The following SRCAP variants were observed in gnomAD, a reference collection of about 807,000 sequenced individuals.
SRCAP encodes chromatin remodeling protein SRCAP.
A neutral mutation model predicts 263.1 loss-of-function variants in SRCAP; 46 were observed. The ratio of observed to expected loss-of-function variants is 0.17; its 90% CI spans 0.14 to 0.22. SRCAP has a LOEUF of 0.22. SRCAP is among the 10% of genes least tolerant of loss of function. The probability of loss-of-function intolerance (pLI) is 1.00; values close to 1 mark genes in which losing one functional copy is unlikely to be tolerated. For synonymous variants in SRCAP, 1,813 were observed against 1,662.1 expected, an observed-to-expected ratio of 1.09 and a Z score of -2.21; for missense variants, 3,695 against 4,181.9, an observed-to-expected ratio of 0.88 and a Z score of 3.21.
intron 3 of SRCAP, among the ~76,000 whole-genome samples, chr16:30,703,592 C>T (rs1038306419): frequency 5.3e-5 from 8 of 151,808 alleles, no homozygotes; most frequent in African/African-American, 1.9e-4. Flanking sequence ...CATCTTGAGT[C>T]CCTTATTAAA....
At chr16:30,725,756 T>C (rs913015952) in intron 25 of SRCAP, 1 of 152,200 alleles carries the variant, frequency 6.6e-6, no homozygotes, top group African/African-American at 2.4e-5. Context: ...TCATATACCA[T>C]TCGATTTACC....
At chr16:30,732,757 T>C (rs1470327720) in intron 27 of SRCAP, among the ~76,000 whole-genome samples, 1 of 152,226 alleles carries the variant, frequency 6.6e-6, no homozygotes, top group Non-Finnish European at 1.5e-5. Flanking sequence ...TCTTTTAGAC[T>C]CCAAGAAGTT....
At chr16:30,728,251 G>A (rs2053081521) in intron 25 of SRCAP, among the ~76,000 whole-genome samples, 1 of 152,218 alleles carries the variant, frequency 6.6e-6, no homozygotes, top group Non-Finnish European at 1.5e-5. Flanking sequence ...AGTGATTATA[G>A]TGAGCAAGGC....
At position 30,740,683 on chromosome 16, in the gene SRCAP, A is replaced by G. The variant is rs1461164449; in HGVS notation, c.*950A>G. 6.6e-6 allele frequency: 1 copy of G among 152,138 alleles called. No individual in the cohort carries two copies. The highest frequency in any genetic ancestry group is 1.5e-5 in the Non-Finnish European group (1 of 68,022). The allele number at this position is 152,138 out of a possible 1,614,324, so 9.4% of individuals were successfully genotyped here. On this transcript the variant is annotated 3_prime_UTR_variant, in exon 34 of 34. Coordinates refer to ENST00000262518, the MANE Select transcript of SRCAP (RefSeq NM_006662.3). ...AAAGCTGAGGCAGGAGCCGAAACTC[A>G]GAGTCCTTCAAGGCCTATAGCCAGG... is the stretch of plus-strand genomic sequence containing the variant.
chr16:30,704,377 T>A, intron 4 of SRCAP, 62 bp downstream of exon 4: 1 of 1,510,732 alleles, frequency 6.6e-7, no homozygotes, highest in Non-Finnish European at 8.9e-7. Flanking sequence ...TCCCACGTCC[T>A]CTTGAGTATT....
Position 30,739,184 on chromosome 16 carries a change from G to A in SRCAP, c.9144G>A (p.Gly3048=), listed in dbSNP as rs766539893. The stretch of plus-strand genomic sequence containing the variant: ...GGCGACGGCAACCCCAGGGCCAAGG[G>A]GAGAGTGAGGGTAGTTCCTCTGATG... ...LGRRRQPQGQ[G]ESEGSSSDED... is the part of the protein sequence containing the mutation. Residue 3048 remains glycine (G), a synonymous_variant, in exon 34 of 34, where the codon GGG becomes GGA. Transcript: ENST00000262518. 12 of 1,613,886 alleles carry A rather than the reference G, an allele frequency of 7.4e-6. No homozygotes were observed. The South Asian group carries it at 9.9e-5, about 13-fold the overall frequency.
In SRCAP at chr16:30,736,370, G is replaced by C; in HGVS notation, c.6900G>C (p.Gln2300His). The change falls in exon 32 of 34, where the codon CAG (glutamine) becomes CAC (histidine). Residue 2300 changes from glutamine to histidine, a missense_variant. By Grantham distance (24) the Gln-to-His change is conservative. This residue lies in a region of SRCAP where 91 missense variants were observed against 150.6 expected (regional missense o/e 0.60). Transcript: ENST00000262518. ...AEDEEMSRAE[Q>H]EIAALVEQLT... ...ATGAGGAGATGTCCCGGGCTGAGCA[G>C]GAAATTGCTGCCCTCGTAGAACAGG... is the stretch of plus-strand genomic sequence containing the variant. The C allele has an allele frequency of 6.2e-7, 1 of 1,613,204 alleles. No individual in the cohort carries two copies. Among genetic ancestry groups the C allele is most frequent in the Non-Finnish European group, 8.5e-7 (1 of 1,179,452 alleles).
chr16:30,704,349 G>C, intron 4 of SRCAP, 34 bp downstream of exon 4: 1 of 1,547,092 alleles, frequency 6.5e-7, no homozygotes, highest in Non-Finnish European at 8.7e-7. Flanking sequence ...AGATTCTTGG[G>C]AGTTATCTTC....
intron 16 of SRCAP, among the ~76,000 whole-genome samples, chr16:30,714,214 A>G (rs1001711832): frequency 6.6e-6 from 1 of 151,314 alleles, no homozygotes; most frequent in Non-Finnish European, 1.5e-5. Flanking sequence ...AAAGGCGCCC[A>G]CCACCACGCC....
At chr16:30,715,885 T>C (rs1051202701) in intron 16 of SRCAP, among the ~76,000 whole-genome samples, 181 bp from the exon 17 acceptor site, 27 of 152,288 alleles carry the variant, frequency 1.8e-4, no homozygotes, top group African/African-American at 6.5e-4. Flanking sequence ...CATGGTATCA[T>C]TTTGTGTCTG....
chr16:30,703,159 A>ATG (rs1016646420), intron 3 of SRCAP, among the ~76,000 whole-genome samples: 3 of 151,160 alleles, frequency 2.0e-5, no homozygotes, highest in African/African-American at 7.3e-5. Context: ...CTATATATAT[A>ATG]TATATATATG....
intron 25 of SRCAP, chr16:30,725,327 C>G (rs1355212958): frequency 4.4e-6 from 3 of 674,574 alleles, no homozygotes; most frequent in Non-Finnish European, 6.8e-6. Context: ...GGCCTCTTTT[C>G]CCGTTTTTTA....
chr16:30,726,774 CA>C (rs546122688), intron 25 of SRCAP, among the ~76,000 whole-genome samples: 2 of 152,320 alleles, frequency 1.3e-5, no homozygotes, highest in South Asian at 2.1e-4. Context: ...CATCCCGGCT[CA>C]CTGCAACCTC....
intron 25 of SRCAP, among the ~76,000 whole-genome samples, chr16:30,726,944 C>T (rs559837914): frequency 1.2e-3 from 183 of 152,180 alleles, no homozygotes; most frequent in Middle Eastern, 6.8e-3. Flanking sequence ...TCAGGTGATC[C>T]GCCTGCCTTG....
At position 30,723,734 on chromosome 16, in the gene SRCAP, C is replaced by T; in HGVS notation, c.4310C>T (p.Ser1437Phe). ...VSSTVSVPLSSSLPISVPTTL... is the reference protein window; with the variant it reads ...VSSTVSVPLSFSLPISVPTTL... ...TCTACAGTCTCAGTTCCATTGTCAT[C>T]TTCACTCCCCATCTCTGTCCCCACC... Residue 1437 changes from serine to phenylalanine, a missense_variant, in exon 25 of 34, where the codon TCT (serine) becomes TTT (phenylalanine). Transcript: ENST00000262518. 1.2e-6 allele frequency: 2 copies of T among 1,614,104 alleles called. No individual in the cohort carries two copies. Among genetic ancestry groups the T allele is most frequent in the Non-Finnish European group, 1.7e-6 (2 of 1,179,996 alleles).
intron 6 of SRCAP, among the ~76,000 whole-genome samples, chr16:30,708,754 C>T (rs1231783838): frequency 6.6e-6 from 1 of 152,188 alleles, no homozygotes; most frequent in Non-Finnish European, 1.5e-5. Context: ...ATCTTGAATT[C>T]CTAGGCTCAA....
rs759313919 is a variant in SRCAP, at chr16:30,739,556, T to C, written c.9516T>C (p.Ser3172=). Reference sequence around the variant, plus strand: ...GGCCTGAGGGTTCAGTAGAGGAGTCTGAGGCTGAAGCCTCAGGTGAGGAGG... The same window carrying C: ...GGCCTGAGGGTTCAGTAGAGGAGTCCGAGGCTGAAGCCTCAGGTGAGGAGG... The part of the protein sequence containing the change: ...PLGPEGSVEE[S]EAEASGEEEE... Residue 3172 remains serine (S), a synonymous_variant, in exon 34 of 34, where the codon TCT becomes TCC. Transcript: ENST00000262518. 6.2e-7 allele frequency: 1 copy of C among 1,609,326 alleles called. No homozygotes were observed. The highest frequency in any genetic ancestry group is 2.2e-5 in the East Asian group (1 of 44,690).
In SRCAP at chr16:30,737,302, G is replaced by T. The variant is rs759306133; in HGVS notation, c.7262G>T (p.Arg2421Leu). 7 of 1,613,862 alleles carry T rather than the reference G, an allele frequency of 4.3e-6. No individual in the cohort carries two copies. Among genetic ancestry groups the T allele is most frequent in the African/African-American group, 1.3e-5 (1 of 74,850 alleles). Residue 2421 changes from arginine (R) to leucine (L), a missense_variant, in exon 34 of 34, where the codon CGC (arginine) becomes CTC (leucine). Around this residue, in one of 12 missense-constraint regions of SRCAP, gnomAD observed 1,207 missense variants for 1,142.9 expected, o/e 1.06. Coordinates refer to ENST00000262518, the MANE Select transcript of SRCAP (RefSeq NM_006662.3). ...HTPVISAHQTRSTTTPPRCSP... is the reference protein window; with the variant it reads ...HTPVISAHQTLSTTTPPRCSP... Reference sequence around the variant, plus strand: ...CCTGTCATATCCGCCCATCAAACTCGCAGCACCACCACACCACCCCGCTGC... The same window carrying T: ...CCTGTCATATCCGCCCATCAAACTCTCAGCACCACCACACCACCCCGCTGC...
rs138153762 is a variant in SRCAP at position 30,713,321 on chromosome 16, G to A, written c.2244G>A (p.Ala748=). 8 of 1,614,130 alleles carry A rather than the reference G, an allele frequency of 5.0e-6. No homozygotes were observed. The highest frequency in any genetic ancestry group is 3.3e-5 in the Admixed American group (2 of 60,008). The change falls in exon 15 of 34, where the codon GCG becomes GCA. Residue 748 remains alanine (A), a synonymous_variant. Coordinates refer to ENST00000262518, the MANE Select transcript of SRCAP (RefSeq NM_006662.3). ...GGCGCTATCTCATTCTGGATGAGGC[G>A]CAGAACATCAAGAACTTCAAGTCAC... ...KNWRYLILDE[A]QNIKNFKSQR... is the part of the protein sequence containing the mutation.
Sources: gnomAD v4.1 joint callset for allele counts (sites outside exome capture counted in the v4.1 genomes callset) on GRCh38, gnomAD v4.1.1 for gene constraint, gnomAD v4.1.1 regional missense constraint, MANE v1.5 for transcripts, NCBI Gene and HGNC (gene_info 2026-07-23, HGNC 2026-07-21) for gene names.